The following SNAPC3 variants were observed in gnomAD, a reference collection of about 807,000 sequenced individuals.
The protein encoded by SNAPC3 is snRNA-activating protein complex subunit 3.
SNAPC3 carries 56 observed loss-of-function variants against 47.7 expected under a neutral mutation model. The ratio of observed to expected loss-of-function variants is 1.18; its 90% CI spans 0.95 to 1.47. SNAPC3 has a LOEUF of 1.47. Among genes scored for constraint, SNAPC3 ranks in the 40% most tolerant of loss-of-function variants. The pLI is 0.00. For synonymous variants in SNAPC3, 235 were observed against 189.9 expected, an observed-to-expected ratio of 1.24 and a Z score of -1.95; for missense variants, 665 against 511.3, an observed-to-expected ratio of 1.30 and a Z score of -2.90.
In SNAPC3 at chr9:15,428,475, C is replaced by T. The variant is rs543289076; in HGVS notation, c.392+4489C>T. 2.0e-5 allele frequency among the ~76,000 whole-genome samples: 3 copies of T among 146,404 alleles called. No homozygotes were observed. The East Asian group carries it at 6.1e-4, about 30-fold the overall frequency. ...AGTGAGCCGAGATCACGCCACTGCA[C>T]TCCAGCCTGGGCGACACAGCGAGAC... On this transcript the variant is annotated intron_variant, in intron 2 of 8. Transcript: ENST00000380821.
chr9:15,424,752 C>G (rs2031118837), intron 2 of SNAPC3, among the ~76,000 whole-genome samples: 1 of 152,112 alleles, frequency 6.6e-6, no homozygotes. Context: ...TTTATAATTT[C>G]CAATTTATAG....
chr9:15,428,365 C>T (rs374056915), intron 2 of SNAPC3, among the ~76,000 whole-genome samples: 6 of 150,776 alleles, frequency 4.0e-5, no homozygotes, highest in African/African-American at 1.2e-4. Context: ...TAAGTCTAGC[C>T]GGTCGTGGTG....
intron 3 of SNAPC3, among the ~76,000 whole-genome samples, chr9:15,443,197 A>G (rs2033648666): frequency 1.3e-5 from 2 of 151,918 alleles, no homozygotes; most frequent in East Asian, 1.9e-4. Flanking sequence ...GGAGAGGGGG[A>G]GAGGGAGAGA....
chr9:15,456,403 ACTT>A (rs1400044971), intron 7 of SNAPC3, among the ~76,000 whole-genome samples: 1 of 152,204 alleles, frequency 6.6e-6, no homozygotes, highest in Non-Finnish European at 1.5e-5. Flanking sequence ...ACTCATGGTA[ACTT>A]CTTGATACAG....
At chr9:15,424,604 A>C (rs900563044) in intron 2 of SNAPC3, among the ~76,000 whole-genome samples, 2 of 152,244 alleles carry the variant, frequency 1.3e-5, no homozygotes, top group African/African-American at 2.4e-5. Flanking sequence ...ATGATAATGG[A>C]AGTTTCTAAA....
chr9:15,461,391 A>T lies in SNAPC3; in HGVS notation c.*1525A>T, dbSNP rs2131998410. ...TGCGCAGAATAGTCTCGAACTCCTG[A>T]CCTCAAGTGATCCATCCGCCTTGGC... On this transcript the variant is annotated 3_prime_UTR_variant, in exon 9 of 9. Coordinates refer to ENST00000380821, the MANE Select transcript of SNAPC3 (RefSeq NM_001039697.2). 6.6e-6 allele frequency: 1 copy of T among 152,238 alleles called. No individual in the cohort carries two copies. The highest frequency in any genetic ancestry group is 1.9e-4 in the East Asian group (1 of 5,178). 9.4% of individuals were successfully genotyped at this position (152,238 alleles called of 1,614,324 possible).
intron 4 of SNAPC3, among the ~76,000 whole-genome samples, chr9:15,445,522 TTAAA>T (rs2033858437): frequency 6.6e-6 from 1 of 152,230 alleles, no homozygotes; most frequent in Non-Finnish European, 1.5e-5. Flanking sequence ...TCTTGATTCC[TTAAA>T]TAGATGTGTC....
chr9:15,456,337 C>T (rs2034792002), intron 7 of SNAPC3, among the ~76,000 whole-genome samples: 1 of 152,032 alleles, frequency 6.6e-6, no homozygotes, highest in South Asian at 2.1e-4. Context: ...ATAGTGTAGG[C>T]CTATTTCTAT....
chr9:15,428,282 A>C (rs2031707283), intron 2 of SNAPC3, among the ~76,000 whole-genome samples: 1 of 152,140 alleles, frequency 6.6e-6, no homozygotes, highest in East Asian at 1.9e-4. Context: ...TGTTGCAGAT[A>C]ATCAGGAAAT....
At chr9:15,446,736 A>C (rs572812806) in intron 4 of SNAPC3, among the ~76,000 whole-genome samples, 8 of 152,246 alleles carry the variant, frequency 5.3e-5, no homozygotes, top group African/African-American at 1.7e-4. Context: ...AAGAGTAAAC[A>C]GTTTAGGATT....
chr9:15,452,165 G>A (rs920723425), intron 6 of SNAPC3, among the ~76,000 whole-genome samples: 3 of 152,082 alleles, frequency 2.0e-5, no homozygotes, highest in Middle Eastern at 3.4e-3. Flanking sequence ...GTTTCAACAT[G>A]TTGGCCAGGC....
At position 15,453,165 on chromosome 9, in the gene SNAPC3, C is replaced by G. The variant is rs2034522356; in HGVS notation, c.940C>G (p.Gln314Glu). Residue 314 changes from glutamine to glutamate, a missense_variant, in exon 7 of 9, where the codon CAG becomes GAG. Transcript: ENST00000380821. ...GGGTTTTCCTTACTTATACTGTCAT[C>G]AGGGAGACTGTGAACATGTCATTGT... The part of the protein sequence containing the change: ...KLGFPYLYCH[Q>E]GDCEHVIVIT... 6.2e-7 allele frequency: 1 copy of G among 1,613,034 alleles called. No individual in the cohort carries two copies. Among genetic ancestry groups the G allele is most frequent in the Non-Finnish European group, 8.5e-7 (1 of 1,179,130 alleles).
chr9:15,452,696 A>G (rs1170201903), intron 6 of SNAPC3, among the ~76,000 whole-genome samples: 1 of 152,274 alleles, frequency 6.6e-6, no homozygotes, highest in African/African-American at 2.4e-5. Flanking sequence ...CACTATTTAT[A>G]ATATTAAACA....
chr9:15,431,591 C>T (rs1976599), intron 2 of SNAPC3, among the ~76,000 whole-genome samples: 124,917 of 151,510 alleles, frequency 0.82, 52,582 homozygotes, highest in Non-Finnish European at 0.91. Flanking sequence ...ACTATAGAGA[C>T]TGATTGCCTG....
chr9:15,423,692 C>G (rs1207992848), intron 1 of SNAPC3, among the ~76,000 whole-genome samples: 1 of 152,180 alleles, frequency 6.6e-6, no homozygotes, highest in East Asian at 1.9e-4. Flanking sequence ...TAACTTTAAT[C>G]TCTTTCTCCA....
At position 15,434,355 on chromosome 9, in the gene SNAPC3, T is replaced by C. The variant is rs999716092; in HGVS notation, c.477+719T>C. ...TCTACCTTCTTTCTCTATGAATTTGTCTATTCTAGATATCTCATGTAAGTG... is the reference window on the plus strand; with the variant it reads ...TCTACCTTCTTTCTCTATGAATTTGCCTATTCTAGATATCTCATGTAAGTG... On this transcript the variant is annotated intron_variant, in intron 3 of 8. Transcript: ENST00000380821. Among the ~76,000 whole-genome samples the C allele has an allele frequency of 2.6e-5, 4 of 152,152 alleles. No individual in the cohort carries two copies. The South Asian group carries it at 8.3e-4, about 32-fold the overall frequency.
At chr9:15,458,986 C>G (rs550935017) in intron 8 of SNAPC3, among the ~76,000 whole-genome samples, 1 of 152,230 alleles carries the variant, frequency 6.6e-6, no homozygotes, top group South Asian at 2.1e-4. Context: ...ATTTGAAATA[C>G]TTCTTTTTGA....
chr9:15,454,794 C>A (rs935828156), intron 7 of SNAPC3, among the ~76,000 whole-genome samples: 1 of 152,070 alleles, frequency 6.6e-6, no homozygotes, highest in African/African-American at 2.4e-5. Flanking sequence ...ATTAGCCAGG[C>A]GTGGTGGTGG....
intron 3 of SNAPC3, among the ~76,000 whole-genome samples, chr9:15,442,518 C>T (rs1181484018): frequency 6.6e-6 from 1 of 151,670 alleles, no homozygotes; most frequent in Non-Finnish European, 1.5e-5. Flanking sequence ...GGAGACGCTC[C>T]TCACCTCCCA....
Sources: allele counts gnomAD v4.1 joint callset (sites outside exome capture counted in the v4.1 genomes callset), GRCh38; gene constraint gnomAD v4.1.1; transcripts MANE v1.5; gene names NCBI Gene and HGNC (gene_info 2026-07-23, HGNC 2026-07-21).